OGA: variants seen among roughly 807,000 people sequenced by gnomAD.
OGA encodes O-GlcNAcase.
OGA carries 21 observed loss-of-function variants against 102.0 expected under a neutral mutation model. That is an observed-to-expected ratio of 0.21 (90% CI 0.15 to 0.30). The LOEUF is 0.30. Among genes scored for constraint, OGA ranks in the 10% least tolerant of loss-of-function variants. The probability of loss-of-function intolerance (pLI) is 1.00; values close to 1 mark genes in which losing one functional copy is unlikely to be tolerated. For missense variants in OGA, 765 were observed against 1,107.8 expected, an observed-to-expected ratio of 0.69 and a Z score of 4.39; for synonymous variants, 408 against 378.2, an observed-to-expected ratio of 1.08 and a Z score of -0.91.
chr10:101,806,517 T>G (rs1363182584), intron 5 of OGA, among the ~76,000 whole-genome samples: 1 of 152,206 alleles, frequency 6.6e-6, no homozygotes, highest in Non-Finnish European at 1.5e-5. Context: ...AATTCTAAAT[T>G]ATTTTCATCT....
At chr10:101,798,407 A>C (rs1157315873) in intron 9 of OGA, among the ~76,000 whole-genome samples, 2 of 142,440 alleles carry the variant, frequency 1.4e-5, no homozygotes, top group African/African-American at 2.6e-5. Context: ...TAAAGAACAT[A>C]CTTTTTTTTT....
intron 3 of OGA, among the ~76,000 whole-genome samples, chr10:101,812,449 T>A (rs934251817): frequency 6.6e-6 from 1 of 152,130 alleles, no homozygotes; most frequent in African/African-American, 2.4e-5. Flanking sequence ...AGACAGCCTA[T>A]TAATGGCTTC....
chr10:101,807,364 C>T (rs905703664), intron 5 of OGA, among the ~76,000 whole-genome samples: 4 of 152,024 alleles, frequency 2.6e-5, no homozygotes, highest in African/African-American at 9.7e-5. Context: ...CAAAAAGGGA[C>T]AGATATGCAT....
chr10:101,807,813 G>C lies in OGA; in HGVS notation c.569C>G (p.Ser190Cys). 1 of 1,609,650 alleles carries C rather than the reference G, an allele frequency of 6.2e-7. No homozygotes were observed. Among genetic ancestry groups the C allele is most frequent in the Non-Finnish European group, 8.5e-7 (1 of 1,178,542 alleles). ...MCAADKEVFS[S>C]FAHAQVSITN... ...GATGGAGACTTGGGCATGAGCAAAA[G>C]AACTGAATACCTCTTTGTCTGCTGC... Residue 190 changes from serine (S) to cysteine (C), a missense_variant, in exon 5 of 16, where the codon TCT becomes TGT. By Grantham distance (112) the Ser-to-Cys change is moderately radical. Transcript: ENST00000361464.
At chr10:101,800,771 C>CT (rs771355527) in intron 7 of OGA, among the ~76,000 whole-genome samples, 3,335 of 117,622 alleles carry the variant, frequency 0.028, 109 homozygotes, top group Non-Finnish European at 0.041. Flanking sequence ...CTTGTAACTT[C>CT]TTTTTTTTTT....
In OGA at chr10:101,792,961, A is replaced by AG. The variant is rs781278422; in HGVS notation, c.2071-19dup. On this transcript the variant is annotated intron_variant, in intron 11 of 15. Coordinates refer to ENST00000361464, the MANE Select transcript of OGA (RefSeq NM_012215.5). ...AGCAAACGCTGTGGGAAGAAAAAAAAGGAGATGGATTAGTTTGGGGAAGGT... is the reference window on the plus strand; with the variant it reads ...AGCAAACGCTGTGGGAAGAAAAAAAAGGGAGATGGATTAGTTTGGGGAAGGT... The AG allele has an allele frequency of 2.5e-6, 4 of 1,593,900 alleles. No individual in the cohort carries two copies. The South Asian group carries it at 4.4e-5, about 18-fold the overall frequency.
chr10:101,813,142 A>G lies in OGA; in HGVS notation c.252-15T>C, dbSNP rs190530064. On this transcript the variant is annotated splice_polypyrimidine_tract_variant and intron_variant, in intron 2 of 15. Coordinates refer to ENST00000361464, the MANE Select transcript of OGA (RefSeq NM_012215.5). Reference sequence around the variant, plus strand: ...ATTTCTGGAGCCTTAAGGAGAAAGAAAATTACATATGTATAAACAGGCAAC... The same window carrying G: ...ATTTCTGGAGCCTTAAGGAGAAAGAGAATTACATATGTATAAACAGGCAAC... 5.0e-4 allele frequency: 770 copies of G among 1,535,158 alleles called. No homozygotes were observed. The highest frequency in any genetic ancestry group is 6.6e-4 in the Non-Finnish European group (741 of 1,118,300).
Position 101,818,233 on chromosome 10 carries a change from C to T in OGA, c.-211G>A, listed in dbSNP as rs2065669114. 3 of 1,339,694 alleles carry T rather than the reference C, an allele frequency of 2.2e-6. No homozygotes were observed. Among genetic ancestry groups the T allele is most frequent in the Non-Finnish European group, 2.9e-6 (3 of 1,049,006 alleles). 83.0% of individuals were successfully genotyped at this position (1,339,694 alleles called of 1,614,324 possible). A position where few individuals can be genotyped will look rare whatever the true frequency, so the allele number is the denominator to read the frequency against. On this transcript the variant is annotated 5_prime_UTR_variant, in exon 1 of 16. Transcript: ENST00000361464. Reference sequence around the variant, plus strand: ...GGCACCGGCGCGAGCCCTTTGTCAGCCGCAGCCTCGGCTTTAAGCTGGGGC... The same window carrying T: ...GGCACCGGCGCGAGCCCTTTGTCAGTCGCAGCCTCGGCTTTAAGCTGGGGC...
Position 101,790,921 on chromosome 10 carries a change from C to T in OGA, c.2429G>A (p.Gly810Asp). 6.2e-7 allele frequency: 1 copy of T among 1,611,638 alleles called. No homozygotes were observed. Among genetic ancestry groups the T allele is most frequent in the Non-Finnish European group, 8.5e-7 (1 of 1,178,232 alleles). ...CTCAGCCTCAGAGAGTTCCTTGTCA[C>T]CATTTGGCTTGGTATACTTCTCCTG... is the stretch of plus-strand genomic sequence containing the variant. ...FMQEKYTKPN[G>D]DKELSEAEKI... Residue 810 changes from glycine to aspartate, a missense_variant, in exon 14 of 16, where the codon GGT becomes GAT. By Grantham distance (94) the Gly-to-Asp change is moderately conservative (BLOSUM62 -1). Coordinates refer to ENST00000361464, the MANE Select transcript of OGA (RefSeq NM_012215.5).
chr10:101,796,085 C>G (rs1233792313), intron 10 of OGA: 2 of 218,596 alleles, frequency 9.1e-6, no homozygotes, highest in Admixed American at 1.3e-4. Flanking sequence ...GCTCAATAAT[C>G]CAGATTTCAG....
Position 101,786,462 on chromosome 10 carries a change from G to A in OGA, c.2740C>T (p.Arg914Trp), listed in dbSNP as rs774026966. Residue 914 changes from arginine to tryptophan, a missense_variant, in exon 16 of 16, where the codon CGG (arginine) becomes TGG (tryptophan). By Grantham distance (101) the Arg-to-Trp change is moderately radical. Transcript: ENST00000361464. ...GFPKDVVILG[R>W]SL ...AGTGTCAACAAATGTCACAGGCTCC[G>A]ACCAAGTATAACCACATCCTTTGGA... The A allele has an allele frequency of 7.5e-6, 12 of 1,606,214 alleles. No individual in the cohort carries two copies. Among genetic ancestry groups the A allele is most frequent in the East Asian group, 2.2e-5 (1 of 44,616 alleles).
At chr10:101,799,508 T>C in intron 8 of OGA, 53 bp from the exon 9 acceptor site, 1 of 1,511,536 alleles carries the variant, frequency 6.6e-7, no homozygotes, top group Non-Finnish European at 9.0e-7. Flanking sequence ...TAATCAGAAT[T>C]AGAGATAGAA....
chr10:101,805,177 C>T (rs2065451702), intron 6 of OGA, among the ~76,000 whole-genome samples: 1 of 152,144 alleles, frequency 6.6e-6, no homozygotes, highest in African/African-American at 2.4e-5. Context: ...GCTGGGACTA[C>T]AGGTGTGCAC....
intron 1 of OGA, among the ~76,000 whole-genome samples, chr10:101,814,079 G>A (rs2065591719): frequency 1.3e-5 from 2 of 151,394 alleles, no homozygotes; most frequent in Non-Finnish European, 2.9e-5. Flanking sequence ...TGTAATCCCA[G>A]CACTTTGGGA....
intron 1 of OGA, among the ~76,000 whole-genome samples, chr10:101,817,464 C>G (rs1170453571): frequency 2.0e-5 from 3 of 152,160 alleles, no homozygotes; most frequent in African/African-American, 4.8e-5. Flanking sequence ...AAGCACTACA[C>G]ATATTTTTTC....
intron 1 of OGA, among the ~76,000 whole-genome samples, chr10:101,816,027 TTTGGAAGA>T (rs1479221624): frequency 7.2e-6 from 1 of 138,126 alleles, no homozygotes; most frequent in Admixed American, 7.2e-5. Context: ...ATCTTAGCAC[TTTGGAAGA>T]CCGAGGCGGG....
intron 5 of OGA, among the ~76,000 whole-genome samples, chr10:101,806,663 T>TA (rs1031909848): frequency 4.6e-5 from 7 of 152,194 alleles, no homozygotes; most frequent in African/African-American, 1.7e-4. Flanking sequence ...ACAAGTTTAC[T>TA]AAAAAAACAA....
intron 14 of OGA, among the ~76,000 whole-genome samples, chr10:101,789,354 C>T (rs535817587): frequency 2.0e-5 from 3 of 151,964 alleles, no homozygotes; most frequent in African/African-American, 4.8e-5. Context: ...TAAAATTATC[C>T]GGGCGTGGTG....
intron 1 of OGA, among the ~76,000 whole-genome samples, chr10:101,815,229 C>CGCGG (rs2065606151): frequency 6.6e-6 from 1 of 152,142 alleles, no homozygotes; most frequent in South Asian, 2.1e-4. Context: ...ATAACTGTAG[C>CGCGG]ACTTTCATCT....
Sources: allele counts gnomAD v4.1 joint callset (sites outside exome capture counted in the v4.1 genomes callset), GRCh38; gene constraint gnomAD v4.1.1; transcripts MANE v1.5; gene names NCBI Gene and HGNC (gene_info 2026-07-23, HGNC 2026-07-21).